TMEM169: variants seen among roughly 807,000 people sequenced by gnomAD.
TMEM169 encodes the protein transmembrane protein 169.
TMEM169 carries 18 observed loss-of-function variants against 27.3 expected under a neutral mutation model. The ratio of observed to expected loss-of-function variants is 0.66; its 90% CI spans 0.46 to 0.98. The LOEUF (loss-of-function observed/expected upper bound fraction) is 0.98, where lower values mean the gene tolerates loss of function less well. TMEM169 is among the 50% of genes least tolerant of loss of function. The pLI, the probability that TMEM169 is intolerant of heterozygous loss-of-function variation, is 0.00. For missense variants in TMEM169, 320 were observed against 368.6 expected, an observed-to-expected ratio of 0.87 and a Z score of 1.08; for synonymous variants, 136 against 142.1, an observed-to-expected ratio of 0.96 and a Z score of 0.30.
At position 216,100,034 on chromosome 2, in the gene TMEM169, T is replaced by C. The variant is rs373657005; in HGVS notation, c.386T>C (p.Leu129Pro). 2 of 1,613,990 alleles carry C rather than the reference T, an allele frequency of 1.2e-6. No individual in the cohort carries two copies. Among genetic ancestry groups the C allele is most frequent in the African/African-American group, 1.3e-5 (1 of 74,878 alleles). ...CATGTCACATTGACAGAGAAAGAGC[T>C]GCAGGAACTGACCAAACCTAAAGAG... ...DIHVTLTEKE[L>P]QELTKPKESS... Residue 129 changes from leucine (L) to proline (P), a missense_variant, in exon 3 of 3, where the codon CTG becomes CCG. Coordinates refer to ENST00000437356, the MANE Select transcript of TMEM169 (RefSeq NM_001142311.2).
intron 1 of TMEM169, among the ~76,000 whole-genome samples, chr2:216,086,514 T>C (rs888903319): frequency 1.6e-4 from 25 of 152,190 alleles, no homozygotes; most frequent in African/African-American, 5.8e-4. Flanking sequence ...TCTTGTGAAA[T>C]CTAAAAGGAA....
chr2:216,081,964 C>A lies in TMEM169; in HGVS notation c.-142C>A. 1.8e-6 allele frequency: 1 copy of A among 559,038 alleles called. No homozygotes were observed. The highest frequency in any genetic ancestry group is 3.2e-5 in the East Asian group (1 of 31,622). 34.6% of individuals were successfully genotyped at this position (559,038 alleles called of 1,614,324 possible). A position where few individuals can be genotyped will look rare whatever the true frequency, so the allele number is the denominator to read the frequency against. ...GTCCGCAACCTCCGCCAGCGTCGGT[C>A]CCTGGGCAGGTGTGGGTGAGACTGC... is the stretch of plus-strand genomic sequence containing the variant. On this transcript the variant is annotated 5_prime_UTR_variant, in exon 1 of 3. Transcript: ENST00000437356.
chr2:216,095,109 C>CTTTTTTTTTTTCTT, intron 1 of TMEM169, among the ~76,000 whole-genome samples: 1 of 110,476 alleles, frequency 9.1e-6, no homozygotes, highest in African/African-American at 4.1e-5. Flanking sequence ...TTTTTTCTTT[C>CTTTTTTTTTTTCTT]TTTTTTTTTT....
intron 1 of TMEM169, among the ~76,000 whole-genome samples, chr2:216,086,505 CTT>C (rs776011162): frequency 6.6e-6 from 1 of 152,228 alleles, no homozygotes; most frequent in Admixed American, 6.5e-5. Flanking sequence ...TAACCTCTCT[CTT>C]GTGAAATCTA....
intron 1 of TMEM169, among the ~76,000 whole-genome samples, chr2:216,087,542 A>T (rs1696033755): frequency 6.6e-6 from 1 of 152,234 alleles, no homozygotes; most frequent in Non-Finnish European, 1.5e-5. Flanking sequence ...ATCAAAGAAC[A>T]TTCTAGAAGT....
Position 216,095,954 on chromosome 2 carries a change from C to T in TMEM169, c.-10C>T. The T allele has an allele frequency of 6.2e-7, 1 of 1,609,638 alleles. No homozygotes were observed. Among genetic ancestry groups the T allele is most frequent in the Non-Finnish European group, 8.5e-7 (1 of 1,178,208 alleles). On this transcript the variant is annotated 5_prime_UTR_variant, in exon 2 of 3. Transcript: ENST00000437356. ...CTCTTTATAAGACATAGGTAGACGT[C>T]AGGTCTGGAATGGAAGAGCCAACAG... is the stretch of plus-strand genomic sequence containing the variant.
In TMEM169 at chr2:216,102,703, C is replaced by G. The variant is rs1039873065; in HGVS notation, c.*2161C>G. 6.6e-6 allele frequency: 1 copy of G among 151,486 alleles called. No individual in the cohort carries two copies. The highest frequency in any genetic ancestry group is 1.5e-5 in the Non-Finnish European group (1 of 67,946). 9.4% of individuals were successfully genotyped at this position (151,486 alleles called of 1,614,324 possible). ...AACAGTTTTAGTGTTAATCTTGGTG[C>G]TCTATGGTGCATTAGCAGAGATATG... On this transcript the variant is annotated 3_prime_UTR_variant, in exon 3 of 3. Transcript: ENST00000437356.
chr2:216,100,700 G>A lies in TMEM169; in HGVS notation c.*158G>A, dbSNP rs1696377830. 3.0e-6 allele frequency: 3 copies of A among 1,006,726 alleles called. No individual in the cohort carries two copies. The highest frequency in any genetic ancestry group is 2.6e-5 in the East Asian group (1 of 38,554). 62.4% of individuals were successfully genotyped at this position (1,006,726 alleles called of 1,614,324 possible). A position where few individuals can be genotyped will look rare whatever the true frequency, so the allele number is the denominator to read the frequency against. On this transcript the variant is annotated 3_prime_UTR_variant, in exon 3 of 3. Transcript: ENST00000437356. ...TTTTACCATCTTGAGGGTTCCAGGA[G>A]GGCATGGAGCAGACAAGCAATTGTG...
At chr2:216,082,234 T>G (rs1574426119) in intron 1 of TMEM169, 1 of 164,992 alleles carries the variant, frequency 6.1e-6, no homozygotes, top group Non-Finnish European at 1.3e-5. Context: ...TGGCTCCAGG[T>G]GCTGTGTGCC....
In TMEM169 at chr2:216,096,090, A is replaced by G. The variant is rs755615021; in HGVS notation, c.127A>G (p.Lys43Glu). 1.2e-6 allele frequency: 2 copies of G among 1,614,202 alleles called. No homozygotes were observed. The highest frequency in any genetic ancestry group is 1.7e-5 in the Admixed American group (1 of 60,020). ...GESTMGHRKK[K>E]RKESRPESII... ...ATCCACAATGGGGCACAGGAAAAAG[A>G]AGAGGAAAGAGTCACGCCCAGAATC... Residue 43 changes from lysine (K) to glutamate (E), a missense_variant, in exon 2 of 3, where the codon AAG becomes GAG. Coordinates refer to ENST00000437356, the MANE Select transcript of TMEM169 (RefSeq NM_001142311.2).
Position 216,102,425 on chromosome 2 carries a change from T to G in TMEM169, c.*1883T>G, listed in dbSNP as rs1553566239. 5 of 152,448 alleles carry G rather than the reference T, an allele frequency of 3.3e-5. No homozygotes were observed. Among genetic ancestry groups the G allele is most frequent in the Non-Finnish European group, 7.4e-5 (5 of 68,014 alleles). The allele number at this position is 152,448 out of a possible 1,614,324, so 9.4% of individuals were successfully genotyped here. A position where few individuals can be genotyped will look rare whatever the true frequency, so the allele number is the denominator to read the frequency against. ...CTTCTAATTTCAAAATATCAACTCC[T>G]AAGAGGTCAGCAGAATTTGGAGATT... On this transcript the variant is annotated 3_prime_UTR_variant, in exon 3 of 3. Coordinates refer to ENST00000437356, the MANE Select transcript of TMEM169 (RefSeq NM_001142311.2).
chr2:216,096,524 C>T (rs1273262685), intron 2 of TMEM169, among the ~76,000 whole-genome samples: 2 of 151,998 alleles, frequency 1.3e-5, no homozygotes, highest in Non-Finnish European at 2.9e-5. Flanking sequence ...GCCACCATGC[C>T]GGGCTAGTTT....
Position 216,095,951 on chromosome 2 carries a change from C to G in TMEM169, c.-13C>G. On this transcript the variant is annotated 5_prime_UTR_variant, in exon 2 of 3. Coordinates refer to ENST00000437356, the MANE Select transcript of TMEM169 (RefSeq NM_001142311.2). ...CAACTCTTTATAAGACATAGGTAGA[C>G]GTCAGGTCTGGAATGGAAGAGCCAA... 1.2e-6 allele frequency: 2 copies of G among 1,609,160 alleles called. No individual in the cohort carries two copies. Among genetic ancestry groups the G allele is most frequent in the Middle Eastern group, 2.0e-4 (1 of 5,106 alleles).
rs1288365799 is a variant in TMEM169, at chr2:216,100,390, A to T, written c.742A>T (p.Met248Leu). 2 of 1,613,988 alleles carry T rather than the reference A, an allele frequency of 1.2e-6. No homozygotes were observed. The highest frequency in any genetic ancestry group is 1.7e-6 in the Non-Finnish European group (2 of 1,179,992). ...AGCATGGTGGCAAGCTGCCCGGGAC[A>T]TGGAGAAAGGCTTCTGTGGCTGGCT... ...WEAWWQAARD[M>L]EKGFCGWLCS... Residue 248 changes from methionine to leucine, a missense_variant, in exon 3 of 3, where the codon ATG (methionine) becomes TTG (leucine). Met to Leu is a conservative substitution (Grantham distance 15). Transcript: ENST00000437356.
In TMEM169 at chr2:216,095,109, C is replaced by CT. The variant is rs71047975; in HGVS notation, c.-126-715dup. Among the ~76,000 whole-genome samples the CT allele has an allele frequency of 2.1e-3, 234 of 110,472 alleles. 10 individuals carry two copies. Among genetic ancestry groups the CT allele is most frequent in the Middle Eastern group, 5.0e-3 (1 of 200 alleles). 72.5% of individuals were successfully genotyped at this position (110,472 alleles called of 152,430 possible). ...AGCCACCTATGGTTCTTTTTTCTTT[C>CT]TTTTTTTTTTTTTTGACAGAGTCTC... On this transcript the variant is annotated intron_variant, in intron 1 of 2. Coordinates refer to ENST00000437356, the MANE Select transcript of TMEM169 (RefSeq NM_001142311.2).
At position 216,096,140 on chromosome 2, in the gene TMEM169, T is replaced by C; in HGVS notation, c.177T>C (p.Asn59=). Residue 59 remains asparagine, a synonymous_variant, in exon 2 of 3, where the codon AAT becomes AAC. Coordinates refer to ENST00000437356, the MANE Select transcript of TMEM169 (RefSeq NM_001142311.2). The part of the protein sequence containing the change: ...PESIIIYRSD[N]EKTDEEPGES... ...CCATCATCATCTACCGCTCAGACAA[T>C]GAGAAAACAGATGAGGAGCCCGGAG... 3 of 1,612,942 alleles carry C rather than the reference T, an allele frequency of 1.9e-6. No homozygotes were observed. Among genetic ancestry groups the C allele is most frequent in the Non-Finnish European group, 2.5e-6 (3 of 1,179,198 alleles).
At chr2:216,098,929 G>T (rs1258917706) in intron 2 of TMEM169, among the ~76,000 whole-genome samples, 12 of 150,194 alleles carry the variant, frequency 8.0e-5, no homozygotes, top group African/African-American at 1.7e-4. Context: ...ATGGGTATGT[G>T]GTGTGTGTGT....
intron 1 of TMEM169, among the ~76,000 whole-genome samples, chr2:216,087,950 G>C (rs1330026274): frequency 6.6e-6 from 1 of 151,428 alleles, no homozygotes; most frequent in Non-Finnish European, 1.5e-5. Flanking sequence ...CTTGAGGTCA[G>C]GAGTTGGAGA....
At chr2:216,098,404 G>C (rs916058299) in intron 2 of TMEM169, among the ~76,000 whole-genome samples, 1 of 152,144 alleles carries the variant, frequency 6.6e-6, no homozygotes, top group African/African-American at 2.4e-5. Context: ...GAGGGAAAGA[G>C]AGGAATCAAT....
Sources: gnomAD v4.1 joint callset for allele counts (sites outside exome capture counted in the v4.1 genomes callset) on GRCh38, gnomAD v4.1.1 for gene constraint, MANE v1.5 for transcripts, NCBI Gene and HGNC (gene_info 2026-07-23, HGNC 2026-07-21) for gene names.